The following ST6GALNAC3 variants were observed in gnomAD, a reference collection of about 807,000 sequenced individuals.
The protein encoded by ST6GALNAC3 is ST6 N-acetylgalactosaminide alpha-2,6-sialyltransferase 3.
ST6GALNAC3 carries 25 observed loss-of-function variants against 32.7 expected under a neutral mutation model. That is an observed-to-expected ratio of 0.76 (90% CI 0.56 to 1.07). The LOEUF is 1.07. Among genes scored for constraint, ST6GALNAC3 ranks in the 50% least tolerant of loss-of-function variants. ST6GALNAC3 has a pLI of 0.00. For synonymous variants in ST6GALNAC3, 129 were observed against 133.1 expected, an observed-to-expected ratio of 0.97 and a Z score of 0.21; for missense variants, 355 against 382.4, an observed-to-expected ratio of 0.93 and a Z score of 0.60.
At chr1:76,202,410 A>G (rs1485221201) in intron 1 of ST6GALNAC3, among the ~76,000 whole-genome samples, 2 of 152,036 alleles carry the variant, frequency 1.3e-5, no homozygotes, top group African/African-American at 4.8e-5. Flanking sequence ...CCTGGGAGGG[A>G]ATACATATGT....
At chr1:76,605,861 T>TAAAAAAAAAAAAAAAA (rs1159864958) in intron 3 of ST6GALNAC3, among the ~76,000 whole-genome samples, 1 of 58,920 alleles carries the variant, frequency 1.7e-5, no homozygotes, top group Non-Finnish European at 2.8e-5. Context: ...GGAGACTCCA[T>TAAAAAAAAAAAAAAAA]AAAAAAAAAA....
At chr1:76,273,827 T>C (rs1232575200) in intron 1 of ST6GALNAC3, among the ~76,000 whole-genome samples, 1 of 152,236 alleles carries the variant, frequency 6.6e-6, no homozygotes, top group Non-Finnish European at 1.5e-5. Flanking sequence ...ATTTTTGCTA[T>C]AGTTATGTTA....
chr1:76,231,525 C>G (rs543126223), intron 1 of ST6GALNAC3, among the ~76,000 whole-genome samples: 2 of 152,134 alleles, frequency 1.3e-5, no homozygotes, highest in Non-Finnish European at 2.9e-5. Context: ...CTCACAATTA[C>G]CATTTTACTT....
intron 2 of ST6GALNAC3, among the ~76,000 whole-genome samples, chr1:76,370,871 T>TCCATCCATCCAC (rs1650763056): frequency 6.6e-6 from 1 of 152,104 alleles, no homozygotes; most frequent in African/African-American, 2.4e-5. Flanking sequence ...CATTCATCCA[T>TCCATCCATCCAC]CCATCCATCC....
chr1:76,448,063 G>C (rs946629889), intron 3 of ST6GALNAC3, among the ~76,000 whole-genome samples: 2 of 152,168 alleles, frequency 1.3e-5, no homozygotes, highest in Non-Finnish European at 2.9e-5. Flanking sequence ...ACGCCAGCCA[G>C]TGCAAGCAGA....
At chr1:76,231,185 T>A (rs6689490) in intron 1 of ST6GALNAC3, among the ~76,000 whole-genome samples, 1,601 of 152,164 alleles carry the variant, frequency 0.011, 35 homozygotes, top group African/African-American at 0.037. Flanking sequence ...CACAACCCCT[T>A]GATATGCAAG....
At chr1:76,383,679 A>G (rs1193233468) in intron 2 of ST6GALNAC3, among the ~76,000 whole-genome samples, 1 of 152,176 alleles carries the variant, frequency 6.6e-6, no homozygotes, top group East Asian at 1.9e-4. Context: ...GTTTAATATA[A>G]AGGAGCATAT....
chr1:76,142,399 T>C (rs1424389817), intron 1 of ST6GALNAC3, among the ~76,000 whole-genome samples: 1 of 152,230 alleles, frequency 6.6e-6, no homozygotes, highest in Non-Finnish European at 1.5e-5. Context: ...CTTGTCTTCA[T>C]GCTCCATCAC....
chr1:76,299,724 T>A (rs1231241110), intron 1 of ST6GALNAC3, among the ~76,000 whole-genome samples: 1 of 152,094 alleles, frequency 6.6e-6, no homozygotes, highest in Non-Finnish European at 1.5e-5. Flanking sequence ...CCCTGGGGAC[T>A]AACTTCATAT....
intron 2 of ST6GALNAC3, among the ~76,000 whole-genome samples, chr1:76,317,238 T>G (rs1019681504): frequency 3.9e-5 from 6 of 152,158 alleles, no homozygotes; most frequent in Non-Finnish European, 8.8e-5. Context: ...TACCACCATG[T>G]CTGTGCCATG....
intron 3 of ST6GALNAC3, among the ~76,000 whole-genome samples, chr1:76,544,279 T>C (rs903089860): frequency 2.6e-5 from 4 of 152,102 alleles, no homozygotes; most frequent in African/African-American, 4.8e-5. Context: ...TTGAGCTTCA[T>C]GTTAAGAGTA....
Position 76,277,894 on chromosome 1 carries a change from T to C in ST6GALNAC3, c.19-35911T>C, listed in dbSNP as rs1370335796. 2.6e-5 allele frequency among the ~76,000 whole-genome samples: 4 copies of C among 152,092 alleles called. No homozygotes were observed. The East Asian group carries it at 5.8e-4, about 22-fold the overall frequency. ...AGTACCATATTGCCACTAGCTTCTATACATTTACAATGAGCTTTAAGTCTG... is the reference window on the plus strand; with the variant it reads ...AGTACCATATTGCCACTAGCTTCTACACATTTACAATGAGCTTTAAGTCTG... On this transcript the variant is annotated intron_variant, in intron 1 of 4. Coordinates refer to ENST00000328299, the MANE Select transcript of ST6GALNAC3 (RefSeq NM_152996.4).
chr1:76,119,705 T>C (rs1017326434), intron 1 of ST6GALNAC3, among the ~76,000 whole-genome samples: 10 of 152,244 alleles, frequency 6.6e-5, no homozygotes, highest in Non-Finnish European at 1.5e-4. Flanking sequence ...CAATAGTAAC[T>C]ATAACAATTA....
At chr1:76,316,401 A>G (rs1334479206) in intron 2 of ST6GALNAC3, among the ~76,000 whole-genome samples, 9 of 152,082 alleles carry the variant, frequency 5.9e-5, no homozygotes, top group Non-Finnish European at 1.5e-5. Flanking sequence ...GAGTAGGAGA[A>G]TGAATTAGAG....
intron 2 of ST6GALNAC3, among the ~76,000 whole-genome samples, chr1:76,357,763 A>T (rs898534025): frequency 3.3e-5 from 5 of 152,172 alleles, no homozygotes; most frequent in Non-Finnish European, 7.3e-5. Context: ...AGCACAGATG[A>T]GGGAATGATA....
intron 1 of ST6GALNAC3, among the ~76,000 whole-genome samples, chr1:76,082,772 G>C (rs989770513): frequency 6.6e-6 from 1 of 152,072 alleles, no homozygotes; most frequent in African/African-American, 2.4e-5. Context: ...GGAGGTGTGG[G>C]GGCCAACAAC....
At chr1:76,601,237 G>A (rs1647225426) in intron 3 of ST6GALNAC3, among the ~76,000 whole-genome samples, 1 of 151,898 alleles carries the variant, frequency 6.6e-6, no homozygotes, top group South Asian at 2.1e-4. Flanking sequence ...AGGAAGGAAA[G>A]TATTCTATTT....
At chr1:76,128,390 T>A (rs1257922561) in intron 1 of ST6GALNAC3, among the ~76,000 whole-genome samples, 1 of 152,216 alleles carries the variant, frequency 6.6e-6, no homozygotes, top group Non-Finnish European at 1.5e-5. Flanking sequence ...ATATGATGAA[T>A]ACACTTAAGC....
chr1:76,593,935 A>C (rs1647088849), intron 3 of ST6GALNAC3, among the ~76,000 whole-genome samples: 1 of 152,116 alleles, frequency 6.6e-6, no homozygotes, highest in African/African-American at 2.4e-5. Flanking sequence ...CATTAATAGA[A>C]TCTCTGAGGA....
Sources: gnomAD v4.1 joint callset for allele counts (sites outside exome capture counted in the v4.1 genomes callset) on GRCh38, gnomAD v4.1.1 for gene constraint, MANE v1.5 for transcripts, NCBI Gene and HGNC (gene_info 2026-07-23, HGNC 2026-07-21) for gene names.